Variants in LAMP1 observed in about 807,000 individuals in gnomAD.
The protein encoded by LAMP1 is lysosome associated membrane protein 1, also known as lysosome-associated membrane glycoprotein 1.
Under a neutral mutation model 37.5 loss-of-function variants are expected in LAMP1, and 7 were observed. The observed-to-expected ratio is 0.19, with a 90% CI of 0.11 to 0.35. LAMP1 has a LOEUF of 0.35. LAMP1 is among the 10% of genes least tolerant of loss of function. LAMP1 has a pLI of 1.00. For missense variants in LAMP1, 537 were observed against 552.8 expected (o/e 0.97, Z 0.29); for synonymous variants, 236 against 229.1 (o/e 1.03, Z -0.27).
In LAMP1 at chr13:113,321,796, T is replaced by C; in HGVS notation, c.1114+69T>C. On this transcript the variant is annotated intron_variant, in intron 8 of 8. Transcript: ENST00000332556. The surrounding 1 kb of genome is among the most constrained non-coding windows in gnomAD (Gnocchi z 5.6). ...GCTTCAGACTCCGCCTGTGGACGTTTAGTCGCTTCCGTGTGGGCTGGGGCG... is the reference window on the plus strand; with the variant it reads ...GCTTCAGACTCCGCCTGTGGACGTTCAGTCGCTTCCGTGTGGGCTGGGGCG... 6.7e-7 allele frequency: 1 copy of C among 1,502,758 alleles called. No homozygotes were observed. The highest frequency in any genetic ancestry group is 9.1e-7 in the Non-Finnish European group (1 of 1,093,950). The allele number at this position is 1,502,758 out of a possible 1,614,324, so 93.1% of individuals were successfully genotyped here. A position where few individuals can be genotyped will look rare whatever the true frequency, so the allele number is the denominator to read the frequency against.
chr13:113,301,618 G>C (rs1295928398), intron 1 of LAMP1, among the ~76,000 whole-genome samples: 1 of 118,886 alleles, frequency 8.4e-6, no homozygotes, highest in African/African-American at 3.5e-5. Context: ...GTGAGACTCT[G>C]TTTCCATTTA....
chr13:113,313,726 C>A (rs1425986162), intron 4 of LAMP1, among the ~76,000 whole-genome samples: 1 of 121,000 alleles, frequency 8.3e-6, no homozygotes, highest in Admixed American at 8.0e-5. Flanking sequence ...GTCAGTGTGC[C>A]TGGGGTGTGG....
intron 2 of LAMP1, among the ~76,000 whole-genome samples, chr13:113,309,366 G>C (rs1363470032): frequency 6.6e-6 from 1 of 152,192 alleles, no homozygotes; most frequent in Non-Finnish European, 1.5e-5. Context: ...CTCCCAGAGT[G>C]TTAGCATTAC....
At chr13:113,299,657 C>T (rs1393662685) in intron 1 of LAMP1, among the ~76,000 whole-genome samples, 1 of 151,640 alleles carries the variant, frequency 6.6e-6, no homozygotes, top group Non-Finnish European at 1.5e-5. Context: ...CAGCCTCCGC[C>T]TCTTGTGTTC....
chr13:113,300,778 A>C (rs896088776), intron 1 of LAMP1, among the ~76,000 whole-genome samples: 2 of 152,214 alleles, frequency 1.3e-5, no homozygotes, highest in Non-Finnish European at 2.9e-5. Context: ...AGATCGTGCC[A>C]CTGCTCTTCA....
At chr13:113,315,382 C>CTTTTTTTTTTTTT (rs1158608278) in intron 4 of LAMP1, among the ~76,000 whole-genome samples, 1 of 60,432 alleles carries the variant, frequency 1.7e-5, no homozygotes, top group Non-Finnish European at 3.1e-5. Context: ...TGTATCTTGT[C>CTTTTTTTTTTTTT]TTTTTTTTTT....
chr13:113,309,985 T>C (rs976921194), intron 3 of LAMP1, 123 bp downstream of exon 3: 1 of 751,452 alleles, frequency 1.3e-6, no homozygotes, highest in Non-Finnish European at 2.2e-6. Flanking sequence ...TCCTAGCACT[T>C]TGGGAGGCTA....
At chr13:113,304,922 T>C (rs951777113) in intron 1 of LAMP1, 3 of 152,232 alleles carry the variant, frequency 2.0e-5, no homozygotes, top group South Asian at 2.1e-4. Context: ...CCCACCAAAG[T>C]GCTGGGATTA....
intron 4 of LAMP1, among the ~76,000 whole-genome samples, chr13:113,318,341 A>G (rs1427300853): frequency 6.6e-6 from 1 of 152,208 alleles, no homozygotes; most frequent in African/African-American, 2.4e-5. Flanking sequence ...TGATGGAGTT[A>G]TGAGTGGCAG....
Position 113,320,710 on chromosome 13 carries a change from G to T in LAMP1, c.876+240G>T. On this transcript the variant is annotated intron_variant, in intron 6 of 8. Coordinates refer to ENST00000332556, the MANE Select transcript of LAMP1 (RefSeq NM_005561.4). This position sits in a 1 kb window ranked among gnomAD's most constrained non-coding sequence, Gnocchi z 4.4. ...GCCCACAGTTGGAGTGGCTGCAGGGGAGGGCATGCAGGCCGTGCGGCCTTC... is the reference window on the plus strand; with the variant it reads ...GCCCACAGTTGGAGTGGCTGCAGGGTAGGGCATGCAGGCCGTGCGGCCTTC... 1.9e-6 allele frequency: 1 copy of T among 524,388 alleles called. No individual in the cohort carries two copies. The highest frequency in any genetic ancestry group is 3.3e-5 in the Admixed American group (1 of 30,478). 32.5% of individuals were successfully genotyped at this position (524,388 alleles called of 1,614,324 possible).
At chr13:113,310,662 G>C (rs766867179) in intron 3 of LAMP1, 47 bp from the exon 4 acceptor site, 2 of 1,295,012 alleles carry the variant, frequency 1.5e-6, no homozygotes, top group Admixed American at 2.3e-5. Flanking sequence ...CATAAACTAA[G>C]TACTGCAAGT....
At chr13:113,310,653 A>G in intron 3 of LAMP1, 56 bp from the exon 4 acceptor site, 1 of 1,281,338 alleles carries the variant, frequency 7.8e-7, no homozygotes, top group Non-Finnish European at 1.1e-6. Flanking sequence ...TAAAAAACAC[A>G]TAAACTAAGT....
chr13:113,303,199 G>C (rs140353542), intron 1 of LAMP1, among the ~76,000 whole-genome samples: 23 of 152,316 alleles, frequency 1.5e-4, no homozygotes, highest in African/African-American at 5.3e-4. Context: ...CTCTGCTACT[G>C]GCCATGGTTG....
chr13:113,313,854 G>C (rs1178275234), intron 4 of LAMP1, among the ~76,000 whole-genome samples: 3 of 127,010 alleles, frequency 2.4e-5, no homozygotes, highest in Admixed American at 2.2e-4. Flanking sequence ...GAGTCAGTGT[G>C]GAGATGCCCG....
chr13:113,320,145 C>T lies in LAMP1; in HGVS notation c.751-200C>T, dbSNP rs1032720595. ...TTGCCCTCCACGCGGGGACGCTGCA[C>T]TCCAAGAGCAGCTGTCACGGGGTCA... On this transcript the variant is annotated intron_variant, in intron 5 of 8. Transcript: ENST00000332556. This position sits in a 1 kb window ranked among gnomAD's most constrained non-coding sequence, Gnocchi z 4.4. 5.9e-5 allele frequency among the ~76,000 whole-genome samples: 9 copies of T among 152,160 alleles called. No individual in the cohort carries two copies. Among genetic ancestry groups the T allele is most frequent in the African/African-American group, 9.7e-5 (4 of 41,432 alleles).
chr13:113,310,918 T>C (rs1194152423), intron 4 of LAMP1, 51 bp downstream of exon 4: 1 of 1,525,922 alleles, frequency 6.6e-7, no homozygotes, highest in East Asian at 2.3e-5. Flanking sequence ...GTAGCTGGGC[T>C]GCAGTGGCTG....
intron 4 of LAMP1, among the ~76,000 whole-genome samples, chr13:113,312,524 T>C (rs2042635883): frequency 6.6e-6 from 1 of 152,194 alleles, no homozygotes; most frequent in Non-Finnish European, 1.5e-5. Flanking sequence ...GAGCCCAACT[T>C]GGAAACCCCG....
At position 113,306,834 on chromosome 13, in the gene LAMP1, C is replaced by CTTTTT. The variant is rs780041684; in HGVS notation, c.183+247_183+251dup. 3.7e-3 allele frequency among the ~76,000 whole-genome samples: 293 copies of CTTTTT among 80,148 alleles called. 51 individuals carry two copies. The highest frequency in any genetic ancestry group is 0.038 in the Middle Eastern group (2 of 52). 52.6% of individuals were successfully genotyped at this position (80,148 alleles called of 152,430 possible). On this transcript the variant is annotated intron_variant, in intron 2 of 8. Coordinates refer to ENST00000332556, the MANE Select transcript of LAMP1 (RefSeq NM_005561.4). ...CTCACTGTTCATCATGAACATTTTC[C>CTTTTT]TTTTTTTTTTTTTTTTTTTTTTTGA...
intron 4 of LAMP1, among the ~76,000 whole-genome samples, chr13:113,311,755 CAAAGGTTGTTGGAATTA>C (rs1290605532): frequency 3.9e-5 from 6 of 152,176 alleles, no homozygotes; most frequent in Non-Finnish European, 7.3e-5. Flanking sequence ...AGCCTGTCTT[CAAAGGTTGTTGGAATTA>C]AAAGAGAAAT....
Sources: allele counts gnomAD v4.1 joint callset (sites outside exome capture counted in the v4.1 genomes callset), GRCh38; gene constraint gnomAD v4.1.1; non-coding constraint Gnocchi (gnomAD v3.1); transcripts MANE v1.5; gene names NCBI Gene and HGNC (gene_info 2026-07-23, HGNC 2026-07-21).